Variants in CHRM3 observed in about 807,000 individuals in gnomAD.
CHRM3 encodes the protein muscarinic acetylcholine receptor M3.
CHRM3 carries 11 observed loss-of-function variants against 41.8 expected under a neutral mutation model. The observed-to-expected ratio is 0.26, with a 90% CI of 0.17 to 0.44. CHRM3 has a LOEUF of 0.44. Ranked by LOEUF, CHRM3 falls within the 20% of genes least tolerant of loss-of-function variation. The pLI is 1.00. For synonymous variants in CHRM3, 297 were observed against 301.4 expected (o/e 0.99, Z 0.15); for missense variants, 571 against 745.4 (o/e 0.77, Z 2.72).
At chr1:239,452,767 A>G (rs758165753) in intron 1 of CHRM3, among the ~76,000 whole-genome samples, 1 of 152,134 alleles carries the variant, frequency 6.6e-6, no homozygotes, top group Non-Finnish European at 1.5e-5. Flanking sequence ...CTCTTTCTGT[A>G]TTTAGGCTTG....
intron 6 of CHRM3, among the ~76,000 whole-genome samples, chr1:239,894,022 T>G (rs1296500760): frequency 6.6e-6 from 1 of 152,230 alleles, no homozygotes; most frequent in African/African-American, 2.4e-5. Flanking sequence ...GCTCTCATCT[T>G]GTTGAGAGGA....
At chr1:239,714,631 G>T (rs1334881379) in intron 5 of CHRM3, among the ~76,000 whole-genome samples, 1 of 152,156 alleles carries the variant, frequency 6.6e-6, no homozygotes, top group Non-Finnish European at 1.5e-5. Context: ...GGAAAATGAG[G>T]CTGCAGAAGT....
At chr1:239,722,067 G>A (rs1663025773) in intron 5 of CHRM3, among the ~76,000 whole-genome samples, 1 of 151,850 alleles carries the variant, frequency 6.6e-6, no homozygotes. Context: ...TCATGGGACA[G>A]GCATTTAGAT....
intron 5 of CHRM3, among the ~76,000 whole-genome samples, chr1:239,772,795 C>G (rs1382504154): frequency 6.6e-6 from 1 of 152,172 alleles, no homozygotes; most frequent in East Asian, 1.9e-4. Flanking sequence ...AGCTCTTACC[C>G]ATACCTCACT....
chr1:239,671,226 C>T (rs960639069), intron 4 of CHRM3, among the ~76,000 whole-genome samples: 5 of 152,192 alleles, frequency 3.3e-5, no homozygotes, highest in African/African-American at 1.2e-4. Flanking sequence ...CTCAGTGAGG[C>T]AACCAAACTC....
chr1:239,796,096 G>T (rs1255860715), intron 5 of CHRM3, among the ~76,000 whole-genome samples: 1 of 152,002 alleles, frequency 6.6e-6, no homozygotes, highest in Non-Finnish European at 1.5e-5. Flanking sequence ...TTTATTCTAC[G>T]ACATTACTAT....
At chr1:239,519,769 A>G (rs1488078984) in intron 2 of CHRM3, among the ~76,000 whole-genome samples, 1 of 39,984 alleles carries the variant, frequency 2.5e-5, no homozygotes, top group Non-Finnish European at 6.2e-5. Context: ...TTTTTTTGAG[A>G]CAGAGTCTCG....
At chr1:239,595,122 G>A (rs902776191) in intron 3 of CHRM3, among the ~76,000 whole-genome samples, 5 of 152,182 alleles carry the variant, frequency 3.3e-5, no homozygotes, top group South Asian at 2.1e-4. Context: ...ACAACAAAAC[G>A]ATTGTGTCTG....
intron 3 of CHRM3, among the ~76,000 whole-genome samples, chr1:239,602,108 G>GTATATATATATA (rs1293974734): frequency 7.7e-5 from 10 of 129,402 alleles, no homozygotes; most frequent in African/African-American, 3.4e-4. Context: ...GTGTGTGTGT[G>GTATATATATATA]TGTATATATA....
At chr1:239,745,714 C>T (rs1665293015) in intron 5 of CHRM3, among the ~76,000 whole-genome samples, 1 of 152,018 alleles carries the variant, frequency 6.6e-6, no homozygotes, top group African/African-American at 2.4e-5. Context: ...GAGAGTTCTT[C>T]AAGGCAAAGA....
rs1672334734 is a variant in CHRM3, at chr1:239,824,936, A to C, written c.-146-2316A>C. Among the ~76,000 whole-genome samples the C allele has an allele frequency of 2.6e-5, 4 of 152,216 alleles. No individual in the cohort carries two copies. The South Asian group carries it at 8.3e-4, about 32-fold the overall frequency. On this transcript the variant is annotated intron_variant, in intron 5 of 6. Transcript: ENST00000676153. ...TCCTTCAAATAAAACCTGCAACTTC[A>C]GCCTTCTCAACTTTAGCCCATCTTC...
chr1:239,702,706 G>A (rs1430415346), intron 5 of CHRM3, among the ~76,000 whole-genome samples: 1 of 152,240 alleles, frequency 6.6e-6, no homozygotes, highest in Non-Finnish European at 1.5e-5. Flanking sequence ...TGCCTCCTGG[G>A]TTCAAGTGAG....
At chr1:239,814,670 A>G (rs1671424092) in intron 5 of CHRM3, among the ~76,000 whole-genome samples, 1 of 152,234 alleles carries the variant, frequency 6.6e-6, no homozygotes, top group South Asian at 2.1e-4. Flanking sequence ...CAGAAGTCCT[A>G]TAAATGATAG....
intron 6 of CHRM3, among the ~76,000 whole-genome samples, chr1:239,862,361 T>C (rs1241368740): frequency 1.3e-5 from 2 of 152,220 alleles, no homozygotes; most frequent in African/African-American, 4.8e-5. Flanking sequence ...ATCCTTTGAC[T>C]TCATTTACAG....
Position 239,455,301 on chromosome 1 carries a change from T to A in CHRM3, c.-520-37408T>A, listed in dbSNP as rs566074784. On this transcript the variant is annotated intron_variant, in intron 1 of 6. Transcript: ENST00000676153. ...CCCAACCTCAGGTGATCTACCCGCC[T>A]CAGCCTCCCAAAGTGCTGGGATTAC... is the stretch of plus-strand genomic sequence containing the variant. 7.9e-5 allele frequency among the ~76,000 whole-genome samples: 12 copies of A among 152,196 alleles called. No individual in the cohort carries two copies. The East Asian group carries it at 2.3e-3, about 29-fold the overall frequency.
intron 5 of CHRM3, among the ~76,000 whole-genome samples, chr1:239,695,669 A>G (rs568604423): frequency 6.6e-6 from 1 of 152,166 alleles, no homozygotes; most frequent in South Asian, 2.1e-4. Flanking sequence ...TTATATTTAT[A>G]TAAACTGATT....
chr1:239,390,005 A>G (rs185472442), intron 1 of CHRM3, among the ~76,000 whole-genome samples: 383 of 152,308 alleles, frequency 2.5e-3, no homozygotes, highest in Middle Eastern at 0.01. Context: ...TCACTTATGG[A>G]ACCTGATTTT....
At chr1:239,606,148 A>G (rs1666217051) in intron 3 of CHRM3, 1 of 152,234 alleles carries the variant, frequency 6.6e-6, no homozygotes, top group African/African-American at 2.4e-5. Context: ...GTCACATTTT[A>G]CTAATTTTGT....
At chr1:239,854,799 G>A (rs1402653542) in intron 6 of CHRM3, among the ~76,000 whole-genome samples, 1 of 152,114 alleles carries the variant, frequency 6.6e-6, no homozygotes, top group Non-Finnish European at 1.5e-5. Flanking sequence ...TGTACTTTCA[G>A]AGCTAGCATG....
Sources: gnomAD v4.1 joint callset for allele counts (sites outside exome capture counted in the v4.1 genomes callset) on GRCh38, gnomAD v4.1.1 for gene constraint, MANE v1.5 for transcripts, NCBI Gene and HGNC (gene_info 2026-07-23, HGNC 2026-07-21) for gene names.